UBAP1: variants seen among roughly 807,000 people sequenced by gnomAD.
The protein encoded by UBAP1 is ubiquitin-associated protein 1.
UBAP1 carries 5 observed loss-of-function variants against 39.0 expected under a neutral mutation model. The ratio of observed to expected loss-of-function variants is 0.13; its 90% CI spans 0.07 to 0.27. UBAP1 has a LOEUF of 0.27. Ranked by LOEUF, UBAP1 falls within the 10% of genes least tolerant of loss-of-function variation. UBAP1 has a pLI of 1.00. For synonymous variants in UBAP1, 211 were observed against 225.1 expected (o/e 0.94, Z 0.56); for missense variants, 490 against 608.1 (o/e 0.81, Z 2.04).
intron 3 of UBAP1, among the ~76,000 whole-genome samples, chr9:34,238,645 A>C (rs1833817610): frequency 6.6e-6 from 1 of 152,138 alleles, no homozygotes; most frequent in South Asian, 2.1e-4. Flanking sequence ...ATACTGAATT[A>C]ATGTTCCTTT....
At chr9:34,195,187 A>G (rs1456948449) in intron 1 of UBAP1, among the ~76,000 whole-genome samples, 1 of 149,786 alleles carries the variant, frequency 6.7e-6, no homozygotes, top group Non-Finnish European at 1.5e-5. Context: ...TTTTGATTTC[A>G]TTGAAGTCCC....
At chr9:34,213,928 CAA>C (rs551770576) in intron 1 of UBAP1, among the ~76,000 whole-genome samples, 3 of 142,086 alleles carry the variant, frequency 2.1e-5, no homozygotes, top group Non-Finnish European at 1.5e-5. Context: ...ACAACAGCTG[CAA>C]AAAAAAAAAA....
intron 3 of UBAP1, among the ~76,000 whole-genome samples, chr9:34,235,063 T>C (rs1030972942): frequency 1.3e-5 from 2 of 152,012 alleles, no homozygotes; most frequent in East Asian, 3.9e-4. Context: ...GTGTGTGGCT[T>C]CATTTTTAAG....
intron 1 of UBAP1, among the ~76,000 whole-genome samples, chr9:34,188,112 TAA>T (rs10712662): frequency 0.13 from 18,119 of 139,600 alleles, 1,408 homozygotes; most frequent in Non-Finnish European, 0.18. Context: ...TTGGGTTCAC[TAA>T]AAAAAAAAAA....
intron 1 of UBAP1, among the ~76,000 whole-genome samples, chr9:34,180,678 TAA>T (rs1285165367): frequency 2.0e-5 from 3 of 152,128 alleles, no homozygotes; most frequent in African/African-American, 4.8e-5. Flanking sequence ...GTTGCAATAA[TAA>T]GAGTCATTAT....
chr9:34,196,740 T>A (rs929736640), intron 1 of UBAP1, among the ~76,000 whole-genome samples: 27 of 152,050 alleles, frequency 1.8e-4, no homozygotes, highest in Non-Finnish European at 3.5e-4. Flanking sequence ...CCACCATGCC[T>A]AGCTTCACTG....
chr9:34,195,151 T>G (rs1198577195), intron 1 of UBAP1, among the ~76,000 whole-genome samples: 4 of 152,116 alleles, frequency 2.6e-5, no homozygotes, highest in Non-Finnish European at 4.4e-5. Context: ...TTTTTTTTTT[T>G]TCTCTAACAG....
chr9:34,196,381 T>C (rs962172142), intron 1 of UBAP1, among the ~76,000 whole-genome samples: 9 of 151,488 alleles, frequency 5.9e-5, no homozygotes, highest in African/African-American at 2.2e-4. Context: ...AATGGCGTGA[T>C]CTCGGCTCAC....
chr9:34,197,418 A>C (rs1329759109), intron 1 of UBAP1, among the ~76,000 whole-genome samples: 3 of 152,158 alleles, frequency 2.0e-5, no homozygotes, highest in African/African-American at 7.2e-5. Context: ...CTGGGATTAC[A>C]AGTGAGAGCC....
intron 2 of UBAP1, among the ~76,000 whole-genome samples, chr9:34,230,157 G>A (rs555475520): frequency 1.3e-5 from 2 of 152,100 alleles, no homozygotes; most frequent in East Asian, 1.9e-4. Flanking sequence ...TCTGCCTCCC[G>A]GGTTAAAGCA....
At chr9:34,186,907 T>A (rs575858292) in intron 1 of UBAP1, among the ~76,000 whole-genome samples, 1 of 152,150 alleles carries the variant, frequency 6.6e-6, no homozygotes, top group African/African-American at 2.4e-5. Flanking sequence ...TTTTTTTATT[T>A]TTTATTTTTT....
intron 1 of UBAP1, chr9:34,191,553 A>C (rs1321648965): frequency 6.3e-6 from 1 of 159,178 alleles, no homozygotes; most frequent in Non-Finnish European, 1.4e-5. Flanking sequence ...TAAAAGGCAA[A>C]TATGTCTGGA....
At chr9:34,179,267 G>C in intron 1 of UBAP1, 27 bp downstream of exon 1, 2 of 1,200,810 alleles carry the variant, frequency 1.7e-6, no homozygotes, top group South Asian at 8.4e-5. Context: ...TCTGGGGGAG[G>C]GGGAAGAGGG....
At chr9:34,202,678 TCC>T (rs759198353) in intron 1 of UBAP1, among the ~76,000 whole-genome samples, 2 of 139,106 alleles carry the variant, frequency 1.4e-5, no homozygotes, top group South Asian at 2.3e-4. Flanking sequence ...TGTGTGTGTG[TCC>T]CCGTCCCCGT....
chr9:34,191,269 G>T (rs1395387374), intron 1 of UBAP1, among the ~76,000 whole-genome samples: 1 of 152,044 alleles, frequency 6.6e-6, no homozygotes, highest in South Asian at 2.1e-4. Context: ...TTGAGAGTTT[G>T]TATTTATTTA....
chr9:34,187,464 A>G (rs939598132), intron 1 of UBAP1, among the ~76,000 whole-genome samples: 4 of 152,240 alleles, frequency 2.6e-5, no homozygotes, highest in Non-Finnish European at 5.9e-5. Flanking sequence ...AAACTGAGAC[A>G]CCAACAGATT....
At chr9:34,231,057 G>A (rs1833379149) in intron 2 of UBAP1, among the ~76,000 whole-genome samples, 1 of 150,800 alleles carries the variant, frequency 6.6e-6, no homozygotes, top group South Asian at 2.1e-4. Flanking sequence ...GGACCCAGAG[G>A]GCAAGGATGC....
At chr9:34,223,169 G>A (rs553929617) in intron 2 of UBAP1, among the ~76,000 whole-genome samples, 3 of 152,070 alleles carry the variant, frequency 2.0e-5, no homozygotes, top group Non-Finnish European at 4.4e-5. Context: ...GGTGGCTCAC[G>A]CCTGTAATCC....
chr9:34,200,067 C>G (rs750123602), intron 1 of UBAP1, among the ~76,000 whole-genome samples: 3 of 152,048 alleles, frequency 2.0e-5, no homozygotes, highest in Admixed American at 6.5e-5. Context: ...TCCTTCCCCC[C>G]GCTCCCAGTA....
Sources: gnomAD v4.1 joint callset for allele counts (sites outside exome capture counted in the v4.1 genomes callset) on GRCh38, gnomAD v4.1.1 for gene constraint, MANE v1.5 for transcripts, NCBI Gene and HGNC (gene_info 2026-07-23, HGNC 2026-07-21) for gene names.